The following AKAP13 variants were observed in gnomAD, a reference collection of about 807,000 sequenced individuals.
AKAP13 encodes A-kinase anchoring protein 13, also known as A-kinase anchor protein 13.
AKAP13 carries 80 observed loss-of-function variants against 264.5 expected under a neutral mutation model. That is an observed-to-expected ratio of 0.30 (90% CI 0.25 to 0.36). AKAP13 has a LOEUF of 0.36. Ranked by LOEUF, AKAP13 falls within the 10% of genes least tolerant of loss-of-function variation. The pLI, the probability that AKAP13 is intolerant of heterozygous loss-of-function variation, is 1.00. For synonymous variants in AKAP13, 1,380 were observed against 1,250.2 expected, an observed-to-expected ratio of 1.10 and a Z score of -2.19; for missense variants, 3,712 against 3,435.2, an observed-to-expected ratio of 1.08 and a Z score of -2.01.
At chr15:85,740,981 A>C in intron 34 of AKAP13, 65 bp from the exon 35 acceptor site, 1 of 1,541,788 alleles carries the variant, frequency 6.5e-7, no homozygotes, top group Non-Finnish European at 8.7e-7. Flanking sequence ...TGGGGTCGGG[A>C]GGGATCCAGA....
At chr15:85,540,686 TAAAAC>T (rs1308973079) in intron 4 of AKAP13, among the ~76,000 whole-genome samples, 9 of 152,230 alleles carry the variant, frequency 5.9e-5, no homozygotes, top group Admixed American at 4.6e-4. Context: ...TTCATGCTCT[TAAAAC>T]AACACAGACT....
At chr15:85,584,351 G>T (rs573576117) in intron 7 of AKAP13, among the ~76,000 whole-genome samples, 5 of 152,172 alleles carry the variant, frequency 3.3e-5, no homozygotes, top group Non-Finnish European at 7.3e-5. Flanking sequence ...GTTTTCTAGT[G>T]TGACTGGTTG....
intron 5 of AKAP13, among the ~76,000 whole-genome samples, chr15:85,555,862 C>G (rs2078125191): frequency 6.6e-6 from 1 of 152,142 alleles, no homozygotes. Flanking sequence ...ATGCTGTAAC[C>G]TTATCTCTGA....
intron 2 of AKAP13, among the ~76,000 whole-genome samples, chr15:85,504,629 C>G (rs2076149874): frequency 6.9e-6 from 1 of 144,786 alleles, no homozygotes; most frequent in South Asian, 2.2e-4. Context: ...AAGATCGAAG[C>G]TGCAGTGAGC....
At position 85,726,433 on chromosome 15, in the gene AKAP13, G is replaced by C; in HGVS notation, c.6769G>C (p.Asp2257His). Residue 2257 changes from aspartate to histidine, a missense_variant, in exon 27 of 37, where the codon GAC becomes CAC. Coordinates refer to ENST00000394518, the MANE Select transcript of AKAP13 (RefSeq NM_007200.5). The stretch of plus-strand genomic sequence containing the variant: ...AGAGGTTCAAGCAGTTCTTCTCACT[G>C]ACATTTTAGTTTTCCTTCAAGAAAA... ...LKEVQAVLLT[D>H]ILVFLQEKDQ... is the part of the protein sequence containing the mutation. 1.9e-6 allele frequency: 3 copies of C among 1,613,728 alleles called. No individual in the cohort carries two copies. The highest frequency in any genetic ancestry group is 2.5e-6 in the Non-Finnish European group (3 of 1,179,806).
At chr15:85,408,252 C>G (rs570329324) in intron 1 of AKAP13, among the ~76,000 whole-genome samples, 2 of 151,908 alleles carry the variant, frequency 1.3e-5, no homozygotes, top group African/African-American at 4.9e-5. Flanking sequence ...CTGCTTACTG[C>G]ATGCCAGTAA....
At chr15:85,560,212 C>T (rs1334525043) in intron 5 of AKAP13, among the ~76,000 whole-genome samples, 1 of 148,818 alleles carries the variant, frequency 6.7e-6, no homozygotes, top group African/African-American at 2.5e-5. Flanking sequence ...GTCACTCAGT[C>T]TAGAGTGCTG....
At chr15:85,442,525 T>A (rs7497511) in intron 1 of AKAP13, among the ~76,000 whole-genome samples, 13 of 81,918 alleles carry the variant, frequency 1.6e-4, no homozygotes, top group East Asian at 3.0e-4. Context: ...TATATTATAT[T>A]ATATATAATA....
At chr15:85,731,112 C>T (rs1434974745) in intron 30 of AKAP13, among the ~76,000 whole-genome samples, 4 of 135,258 alleles carry the variant, frequency 3.0e-5, no homozygotes, top group Non-Finnish European at 4.6e-5. Flanking sequence ...TCAAGTGATT[C>T]TCTTGTCTCA....
chr15:85,431,041 A>G (rs2073004295), intron 1 of AKAP13, among the ~76,000 whole-genome samples: 1 of 152,190 alleles, frequency 6.6e-6, no homozygotes, highest in Non-Finnish European at 1.5e-5. Context: ...GGTGATAATG[A>G]GAGATAAAGG....
rs1400770577 is a variant in AKAP13, at chr15:85,746,220, G to A, written c.*1543G>A. The A allele has an allele frequency of 6.6e-6, 1 of 152,650 alleles. No homozygotes were observed. The highest frequency in any genetic ancestry group is 1.5e-5 in the Non-Finnish European group (1 of 68,036). The allele number at this position is 152,650 out of a possible 1,614,324, so 9.5% of individuals were successfully genotyped here. On this transcript the variant is annotated 3_prime_UTR_variant, in exon 37 of 37. Coordinates refer to ENST00000394518, the MANE Select transcript of AKAP13 (RefSeq NM_007200.5). ...GAATTGCAAGCTGGCCTTGCAGATG[G>A]AGATATTTATCTTTCAGTTTATTTG...
chr15:85,391,473 ATTC>A (rs2070850598), intron 1 of AKAP13, among the ~76,000 whole-genome samples: 1 of 149,202 alleles, frequency 6.7e-6, no homozygotes, highest in Admixed American at 6.7e-5. Context: ...ATTTGTCTTT[ATTC>A]TTTTCTTTTC....
At chr15:85,738,844 C>CAAAAA (rs71468137) in intron 33 of AKAP13, among the ~76,000 whole-genome samples, 1 of 72,422 alleles carries the variant, frequency 1.4e-5, no homozygotes, top group Non-Finnish European at 2.5e-5. Context: ...GACTCCGTCT[C>CAAAAA]AAAAAAAAAA....
chr15:85,520,693 T>G (rs1427326207), intron 2 of AKAP13: 1 of 518,976 alleles, frequency 1.9e-6, no homozygotes. Flanking sequence ...AGCCTCCTAT[T>G]GAAATAGGTT....
intron 8 of AKAP13, among the ~76,000 whole-genome samples, chr15:85,633,980 A>G (rs1341399604): frequency 6.6e-6 from 1 of 152,138 alleles, no homozygotes. Context: ...ATATTTTTAA[A>G]TATGTGTAAT....
intron 1 of AKAP13, among the ~76,000 whole-genome samples, chr15:85,382,451 C>CT (rs1404471269): frequency 6.6e-6 from 1 of 152,166 alleles, no homozygotes; most frequent in Non-Finnish European, 1.5e-5. Context: ...ACAGTACTCG[C>CT]TCCATGGCTT....
intron 8 of AKAP13, chr15:85,621,611 T>C (rs575274949): frequency 2.9e-4 from 44 of 152,290 alleles, no homozygotes; most frequent in African/African-American, 1.0e-3. Flanking sequence ...CTTTATACTC[T>C]AGGTGGGCAT....
At chr15:85,679,975 T>A (rs1385680135) in intron 14 of AKAP13, among the ~76,000 whole-genome samples, 1 of 152,190 alleles carries the variant, frequency 6.6e-6, no homozygotes. Flanking sequence ...CATCATAACT[T>A]AACTAAAATT....
intron 8 of AKAP13, among the ~76,000 whole-genome samples, chr15:85,620,686 A>G (rs559972104): frequency 6.6e-6 from 1 of 152,336 alleles, no homozygotes; most frequent in Non-Finnish European, 1.5e-5. Context: ...AGGATTTCCA[A>G]TAAACCTATC....
Sources: allele counts gnomAD v4.1 joint callset (sites outside exome capture counted in the v4.1 genomes callset), GRCh38; gene constraint gnomAD v4.1.1; transcripts MANE v1.5; gene names NCBI Gene and HGNC (gene_info 2026-07-23, HGNC 2026-07-21).